SPEN: variants seen among roughly 807,000 people sequenced by gnomAD.
SPEN encodes msx2-interacting protein.
In SPEN, 18 loss-of-function variants were observed where a neutral mutation model predicts 269.9. That is an observed-to-expected ratio of 0.07 (90% confidence interval 0.05 to 0.10). SPEN has a LOEUF of 0.10. Among genes scored for constraint, SPEN ranks in the 10% least tolerant of loss-of-function variants. The probability of loss-of-function intolerance (pLI) is 1.00; values close to 1 mark genes in which losing one functional copy is unlikely to be tolerated. For synonymous variants in SPEN, 1,726 were observed against 1,765.7 expected (o/e 0.98, Z 0.56); for missense variants, 3,822 against 4,631.2 (o/e 0.83, Z 5.07).
chr1:15,885,465 A>G (rs1263573117), intron 3 of SPEN, among the ~76,000 whole-genome samples: 1 of 152,146 alleles, frequency 6.6e-6, no homozygotes, highest in East Asian at 1.9e-4. Flanking sequence ...TTCTATCTTG[A>G]CGTTTATAAT....
chr1:15,916,455 C>T (rs1008568462), intron 6 of SPEN, among the ~76,000 whole-genome samples, 176 bp downstream of exon 6: 5 of 151,192 alleles, frequency 3.3e-5, no homozygotes, highest in South Asian at 2.1e-4. Context: ...GTTCTATATA[C>T]GTGTGTAAAA....
intron 6 of SPEN, among the ~76,000 whole-genome samples, chr1:15,917,385 G>A (rs532908284): frequency 1.3e-5 from 2 of 152,148 alleles, no homozygotes; most frequent in Non-Finnish European, 2.9e-5. Context: ...TGTAATCTTG[G>A]GATATACTAT....
rs35841965 is a variant in SPEN, at chr1:15,894,533, G to GTTTTTTTTTTTTTTTTT, written c.882-14786_882-14785insTTTTTTTTTTTTTTTTT. On this transcript the variant is annotated intron_variant, in intron 3 of 14. Transcript: ENST00000375759. ...TAGATCCTAAAACTACCATATTATG[G>GTTTTTTTTTTTTTTTTT]TTGTTTTTTTTTTTTTTTTTTTTTT... Among the ~76,000 whole-genome samples, 8 of 136,008 alleles carry GTTTTTTTTTTTTTTTTT rather than the reference G, an allele frequency of 5.9e-5. 1 individual carries two copies. Among genetic ancestry groups the GTTTTTTTTTTTTTTTTT allele is most frequent in the African/African-American group, 2.4e-4 (8 of 33,684 alleles). 89.2% of individuals were successfully genotyped at this position (136,008 alleles called of 152,430 possible).
chr1:15,934,016 C>T lies in SPEN; in HGVS notation c.7776C>T (p.Asn2592=). 2 of 1,613,978 alleles carry T rather than the reference C, an allele frequency of 1.2e-6. No homozygotes were observed. Among genetic ancestry groups the T allele is most frequent in the Non-Finnish European group, 1.7e-6 (2 of 1,179,926 alleles). Residue 2592 remains asparagine, a synonymous_variant, in exon 11 of 15, where the codon AAC becomes AAT. Transcript: ENST00000375759. This position sits in a 1 kb window ranked among gnomAD's most constrained non-coding sequence, Gnocchi z 9.2. The stretch of plus-strand genomic sequence containing the variant: ...AAAAAACAGCACCTCCAGTGACAAA[C>T]AACTCTGAGATACAAGCCTCGGAGG... ...LEEKTAPPVT[N]NSEIQASEVL... is the part of the protein sequence containing the mutation.
In SPEN at chr1:15,935,181, A is replaced by C. The variant is rs1433827520; in HGVS notation, c.8941A>C (p.Thr2981Pro). 1.2e-6 allele frequency: 2 copies of C among 1,613,804 alleles called. No individual in the cohort carries two copies. The highest frequency in any genetic ancestry group is 1.7e-6 in the Non-Finnish European group (2 of 1,179,928). The change falls in exon 11 of 15, where the codon ACG becomes CCG. Residue 2981 changes from threonine to proline, a missense_variant. By Grantham distance (38) the Thr-to-Pro change is conservative. This residue lies in a region of SPEN where 94 missense variants were observed against 90.4 expected (regional missense o/e 1.04). Coordinates refer to ENST00000375759, the MANE Select transcript of SPEN (RefSeq NM_015001.3). The surrounding 1 kb of genome is among the most constrained non-coding windows in gnomAD (Gnocchi z 7.7). ...KVLQPANLGS[T>P]LTPHHPPALP... ...CCTTCAGCCGGCCAACCTGGGGTCCACGCTCACGCCCCACCACCCTCCTGC... is the reference window on the plus strand; with the variant it reads ...CCTTCAGCCGGCCAACCTGGGGTCCCCGCTCACGCCCCACCACCCTCCTGC...
At chr1:15,877,706 A>C (rs1173596972) in intron 3 of SPEN, among the ~76,000 whole-genome samples, 1 of 150,120 alleles carries the variant, frequency 6.7e-6, no homozygotes, top group Non-Finnish European at 1.5e-5. Flanking sequence ...ATCTAGGATA[A>C]GTTATTTATG....
intron 3 of SPEN, among the ~76,000 whole-genome samples, chr1:15,879,239 G>T (rs1398591276): frequency 1.3e-5 from 2 of 152,020 alleles, no homozygotes; most frequent in Non-Finnish European, 2.9e-5. Context: ...TACTCAGGAG[G>T]CTGAGGCAGA....
At chr1:15,870,894 A>G (rs2070566332) in intron 1 of SPEN, among the ~76,000 whole-genome samples, 1 of 152,218 alleles carries the variant, frequency 6.6e-6, no homozygotes, top group African/African-American at 2.4e-5. Context: ...TTCTTTTCAC[A>G]TACCAACGAA....
Position 15,935,841 on chromosome 1 carries a change from C to T in SPEN, c.9601C>T (p.Pro3201Ser). 6.2e-7 allele frequency: 1 copy of T among 1,613,826 alleles called. No homozygotes were observed. Among genetic ancestry groups the T allele is most frequent in the Non-Finnish European group, 8.5e-7 (1 of 1,180,002 alleles). The change falls in exon 11 of 15, where the codon CCA (proline) becomes TCA (serine). Residue 3201 changes from proline (P) to serine (S), a missense_variant. Physicochemically the swap from Pro to Ser is moderately conservative, Grantham distance 74. Coordinates refer to ENST00000375759, the MANE Select transcript of SPEN (RefSeq NM_015001.3). The surrounding 1 kb of genome is among the most constrained non-coding windows in gnomAD (Gnocchi z 7.7). ...ACGGGATGTGAGGATCATGGTGCAT[C>T]CACATGTGACGGCAGTCAGCGAGCA... is the stretch of plus-strand genomic sequence containing the variant. ...VPRDVRIMVHPHVTAVSEQPR... is the reference protein window; with the variant it reads ...VPRDVRIMVHSHVTAVSEQPR...
intron 1 of SPEN, among the ~76,000 whole-genome samples, chr1:15,861,428 C>T (rs1348018001): frequency 6.6e-6 from 1 of 151,984 alleles, no homozygotes; most frequent in East Asian, 1.9e-4. Context: ...GCGTGCCTGG[C>T]CCAGATACTT....
chr1:15,896,157 GATTA>G (rs1418137742), intron 3 of SPEN, among the ~76,000 whole-genome samples: 3 of 135,280 alleles, frequency 2.2e-5, no homozygotes, highest in African/African-American at 5.4e-5. Flanking sequence ...TAATAAAACT[GATTA>G]ATTATTGTGT....
chr1:15,885,032 A>G (rs930553903), intron 3 of SPEN, among the ~76,000 whole-genome samples: 1 of 152,172 alleles, frequency 6.6e-6, no homozygotes, highest in African/African-American at 2.4e-5. Flanking sequence ...AGCCTGGCCT[A>G]AAAGTCAGTG....
At chr1:15,896,026 T>C (rs1300154937) in intron 3 of SPEN, among the ~76,000 whole-genome samples, 2 of 151,880 alleles carry the variant, frequency 1.3e-5, no homozygotes, top group African/African-American at 4.8e-5. Context: ...ATAAAGCATA[T>C]TTAAACACAA....
intron 8 of SPEN, among the ~76,000 whole-genome samples, chr1:15,920,647 A>G (rs2071109194): frequency 6.6e-6 from 1 of 152,266 alleles, no homozygotes; most frequent in South Asian, 2.1e-4. Context: ...AAATAAAGGC[A>G]TAATATCTCA....
chr1:15,870,253 T>G lies in SPEN; in HGVS notation c.84-2563T>G, dbSNP rs114160318. Reference sequence around the variant, plus strand: ...AGTAGGCAGTACACAAAGCCATGGGTAGTTTGATAAAAATGTGATCTTTTG... The same window carrying G: ...AGTAGGCAGTACACAAAGCCATGGGGAGTTTGATAAAAATGTGATCTTTTG... On this transcript the variant is annotated intron_variant, in intron 1 of 14. Transcript: ENST00000375759. 9.1e-3 allele frequency among the ~76,000 whole-genome samples: 1,387 copies of G among 152,228 alleles called. 25 individuals carry two copies. Among genetic ancestry groups the G allele is most frequent in the African/African-American group, 0.032 (1,326 of 41,540 alleles).
chr1:15,889,028 T>C (rs1381290158), intron 3 of SPEN, among the ~76,000 whole-genome samples: 4 of 152,214 alleles, frequency 2.6e-5, no homozygotes, highest in Non-Finnish European at 5.9e-5. Context: ...GGAAGTTCTC[T>C]ATGGTCATTC....
At chr1:15,850,561 G>A (rs1569957368) in intron 1 of SPEN, among the ~76,000 whole-genome samples, 3 of 152,014 alleles carry the variant, frequency 2.0e-5, no homozygotes, top group Admixed American at 2.0e-4. Context: ...CAAAATCCAG[G>A]TAATGTCTAT....
chr1:15,930,480 A>C lies in SPEN; in HGVS notation c.4240A>C (p.Lys1414Gln). The C allele has an allele frequency of 6.2e-7, 1 of 1,614,252 alleles. No homozygotes were observed. Among genetic ancestry groups the C allele is most frequent in the Non-Finnish European group, 8.5e-7 (1 of 1,180,048 alleles). ...TTTTTTATTGAGGGACAGAGAAGACAAGCTACGTGAGCGAGATGAAAGACT... is the reference window on the plus strand; with the variant it reads ...TTTTTTATTGAGGGACAGAGAAGACCAGCTACGTGAGCGAGATGAAAGACT... Reference protein sequence around the residue: ...LSFLLRDREDKLRERDERLSS... With the variant: ...LSFLLRDREDQLRERDERLSS... The change falls in exon 11 of 15, where the codon AAG becomes CAG. Residue 1414 changes from lysine (K) to glutamine (Q), a missense_variant. Around this residue, in one of 16 missense-constraint regions of SPEN, gnomAD observed 267 missense variants for 315.5 expected, o/e 0.85. Coordinates refer to ENST00000375759, the MANE Select transcript of SPEN (RefSeq NM_015001.3). The surrounding 1 kb of genome is among the most constrained non-coding windows in gnomAD (Gnocchi z 5.3).
chr1:15,939,676 G>A lies in SPEN; in HGVS notation c.*249G>A, dbSNP rs937815544. ...ACCAACCCATGGACTCGCAGACACC[G>A]GGGCTGGGTTTCTCTTTCCTCTTTT... On this transcript the variant is annotated 3_prime_UTR_variant, in exon 15 of 15. Coordinates refer to ENST00000375759, the MANE Select transcript of SPEN (RefSeq NM_015001.3). The surrounding 1 kb of genome is among the most constrained non-coding windows in gnomAD (Gnocchi z 4.1). 1.6e-5 allele frequency: 6 copies of A among 365,126 alleles called. No individual in the cohort carries two copies. The highest frequency in any genetic ancestry group is 6.9e-4 in the Middle Eastern group (1 of 1,442). 22.6% of individuals were successfully genotyped at this position (365,126 alleles called of 1,614,324 possible).
Sources: gnomAD v4.1 joint callset for allele counts (sites outside exome capture counted in the v4.1 genomes callset) on GRCh38, gnomAD v4.1.1 for gene constraint, gnomAD v4.1.1 regional missense constraint, Gnocchi (gnomAD v3.1) non-coding constraint, MANE v1.5 for transcripts, NCBI Gene and HGNC (gene_info 2026-07-23, HGNC 2026-07-21) for gene names.